TMTC2: variants seen among roughly 807,000 people sequenced by gnomAD.
TMTC2 encodes transmembrane O-mannosyltransferase targeting cadherins 2, also known as protein O-mannosyl-transferase TMTC2.
In TMTC2, 43 loss-of-function variants were observed where a neutral mutation model predicts 82.4. That is an observed-to-expected ratio of 0.52 (90% confidence interval 0.41 to 0.67). The LOEUF is 0.67. Among genes scored for constraint, TMTC2 ranks in the 30% least tolerant of loss-of-function variants. The pLI is 0.00. For synonymous variants in TMTC2, 408 were observed against 381.9 expected (o/e 1.07, Z -0.80); for missense variants, 919 against 1,012.4 (o/e 0.91, Z 1.25).
chr12:82,876,154 G>GTGAT (rs1872559911), intron 2 of TMTC2, among the ~76,000 whole-genome samples: 1 of 142,936 alleles, frequency 7.0e-6, no homozygotes, highest in African/African-American at 2.8e-5. Context: ...GGTGGTGGTG[G>GTGAT]TAGTGGTGGT....
chr12:82,887,786 A>C (rs1002539647), intron 2 of TMTC2, among the ~76,000 whole-genome samples: 1 of 152,176 alleles, frequency 6.6e-6, no homozygotes, highest in African/African-American at 2.4e-5. Flanking sequence ...ACATCTTAAA[A>C]ATTAGACTTT....
At chr12:82,936,212 G>A (rs1320819613) in intron 4 of TMTC2, among the ~76,000 whole-genome samples, 2 of 151,952 alleles carry the variant, frequency 1.3e-5, no homozygotes, top group Non-Finnish European at 2.9e-5. Flanking sequence ...GGAAAACTTT[G>A]GAAACAATAT....
intron 1 of TMTC2, among the ~76,000 whole-genome samples, chr12:82,828,576 T>C (rs1189701343): frequency 6.6e-6 from 1 of 152,212 alleles, no homozygotes; most frequent in Non-Finnish European, 1.5e-5. Context: ...TGTAAAATAG[T>C]CAAATAGTTA....
intron 1 of TMTC2, among the ~76,000 whole-genome samples, chr12:82,812,800 TA>T (rs1868473433): frequency 6.6e-6 from 1 of 152,036 alleles, no homozygotes; most frequent in Non-Finnish European, 1.5e-5. Flanking sequence ...GATAATTAAC[TA>T]TTTTTTAATG....
intron 11 of TMTC2, among the ~76,000 whole-genome samples, chr12:83,113,308 C>T (rs1884654780): frequency 6.6e-6 from 1 of 152,108 alleles, no homozygotes; most frequent in African/African-American, 2.4e-5. Flanking sequence ...AATTTGGAAG[C>T]TATTACTCAG....
chr12:82,802,698 T>C (rs1310590225), intron 1 of TMTC2, among the ~76,000 whole-genome samples: 1 of 152,076 alleles, frequency 6.6e-6, no homozygotes, highest in Non-Finnish European at 1.5e-5. Flanking sequence ...GAAAAGTGAA[T>C]TGCTGGTTTG....
intron 11 of TMTC2, among the ~76,000 whole-genome samples, chr12:83,063,775 G>A (rs927512330): frequency 6.6e-6 from 1 of 151,922 alleles, no homozygotes; most frequent in African/African-American, 2.4e-5. Flanking sequence ...CTATACAGCA[G>A]TGAACAAAAT....
intron 3 of TMTC2, among the ~76,000 whole-genome samples, chr12:82,905,817 C>T (rs1592616719): frequency 6.6e-6 from 1 of 151,804 alleles, no homozygotes; most frequent in African/African-American, 2.4e-5. Flanking sequence ...TGGTGGCGGG[C>T]GCCTGTATTC....
chr12:82,849,942 A>G (rs1053302889), intron 1 of TMTC2, among the ~76,000 whole-genome samples: 1 of 152,126 alleles, frequency 6.6e-6, no homozygotes, highest in African/African-American at 2.4e-5. Flanking sequence ...TTAAAAGAAG[A>G]TGCCTTTTCC....
At chr12:82,929,981 T>C (rs1875938661) in intron 3 of TMTC2, among the ~76,000 whole-genome samples, 1 of 152,202 alleles carries the variant, frequency 6.6e-6, no homozygotes, top group Admixed American at 6.5e-5. Context: ...TGATCTTGTT[T>C]AGTTTTTTTG....
chr12:83,033,443 G>C (rs1316266541), intron 9 of TMTC2, among the ~76,000 whole-genome samples: 1 of 152,162 alleles, frequency 6.6e-6, no homozygotes, highest in Non-Finnish European at 1.5e-5. Flanking sequence ...TTACTGTCAT[G>C]CTTTTTCTTC....
intron 8 of TMTC2, among the ~76,000 whole-genome samples, chr12:83,027,141 A>G (rs1164323370): frequency 6.6e-6 from 1 of 152,090 alleles, no homozygotes. Flanking sequence ...GTCAACCAGT[A>G]AACAAAATGA....
chr12:83,134,712 CACAAG>C lies in TMTC2; in HGVS notation c.*2329_*2333del, dbSNP rs1885381986. 1 of 152,088 alleles carries C rather than the reference CACAAG, an allele frequency of 6.6e-6. No homozygotes were observed. Among genetic ancestry groups the C allele is most frequent in the Non-Finnish European group, 1.5e-5 (1 of 68,024 alleles). The allele number at this position is 152,088 out of a possible 1,614,324, so 9.4% of individuals were successfully genotyped here. ...TGCAGACAGTGCTAAAAATATAGAGCACAAGACAAGTTTACTAAATTAAAATTTTA... is the reference window on the plus strand; with the variant it reads ...TGCAGACAGTGCTAAAAATATAGAGCACAAGTTTACTAAATTAAAATTTTA... On this transcript the variant is annotated 3_prime_UTR_variant, in exon 12 of 12. Coordinates refer to ENST00000321196, the MANE Select transcript of TMTC2 (RefSeq NM_152588.3).
chr12:82,807,386 A>G lies in TMTC2; in HGVS notation c.84-49624A>G, dbSNP rs1002051790. On this transcript the variant is annotated intron_variant, in intron 1 of 11. Transcript: ENST00000321196. ...AAATGGAGCAAAAAGAAGGGTAACT[A>G]GTTCCCTTTCATTCAGTGTCAATTG... is the stretch of plus-strand genomic sequence containing the variant. 3.9e-4 allele frequency among the ~76,000 whole-genome samples: 60 copies of G among 152,124 alleles called. 1 individual carries two copies. Among genetic ancestry groups the G allele is most frequent in the Non-Finnish European group, 5.6e-4 (38 of 68,010 alleles).
chr12:83,089,138 C>T (rs998863629), intron 11 of TMTC2, among the ~76,000 whole-genome samples: 9 of 152,146 alleles, frequency 5.9e-5, no homozygotes, highest in African/African-American at 9.7e-5. Context: ...AGTCAAATAT[C>T]GGTCATCATG....
intron 7 of TMTC2, among the ~76,000 whole-genome samples, chr12:82,972,224 C>T (rs1347124186): frequency 6.6e-6 from 1 of 151,940 alleles, no homozygotes; most frequent in Non-Finnish European, 1.5e-5. Flanking sequence ...TGGCCCATTG[C>T]TTTTTATTAT....
intron 8 of TMTC2, among the ~76,000 whole-genome samples, chr12:83,013,987 G>A (rs560617741): frequency 6.6e-6 from 1 of 152,294 alleles, no homozygotes; most frequent in South Asian, 2.1e-4. Flanking sequence ...TAACTTCAGT[G>A]TTGAGCATTG....
At chr12:83,130,371 G>T (rs992020224) in intron 11 of TMTC2, among the ~76,000 whole-genome samples, 1 of 152,148 alleles carries the variant, frequency 6.6e-6, no homozygotes. Flanking sequence ...TTCCAATGTG[G>T]AGCTTTTCAC....
intron 9 of TMTC2, among the ~76,000 whole-genome samples, chr12:83,035,303 C>T (rs1303614338): frequency 6.6e-6 from 1 of 152,142 alleles, no homozygotes; most frequent in East Asian, 1.9e-4. Context: ...TGCATATTGC[C>T]TTTTTAAAAT....
Sources: allele counts gnomAD v4.1 joint callset (sites outside exome capture counted in the v4.1 genomes callset), GRCh38; gene constraint gnomAD v4.1.1; transcripts MANE v1.5; gene names NCBI Gene and HGNC (gene_info 2026-07-23, HGNC 2026-07-21).